The following PCDH15 variants were observed in gnomAD, a reference collection of about 807,000 sequenced individuals.
PCDH15 encodes protocadherin-15.
Under a neutral mutation model 178.5 loss-of-function variants are expected in PCDH15, and 129 were observed. The observed-to-expected ratio is 0.72, with a 90% CI of 0.63 to 0.84. The LOEUF is 0.84. Ranked by LOEUF, PCDH15 falls within the 40% of genes least tolerant of loss-of-function variation. The probability of loss-of-function intolerance (pLI) is 0.00; values close to 1 mark genes in which losing one functional copy is unlikely to be tolerated. For missense variants in PCDH15, 2,230 were observed against 2,099.9 expected, an observed-to-expected ratio of 1.06 and a Z score of -1.21; for synonymous variants, 800 against 732.0, an observed-to-expected ratio of 1.09 and a Z score of -1.50.
chr10:53,844,399 C>A (rs1475577489), intron 28 of PCDH15, among the ~76,000 whole-genome samples: 2 of 151,908 alleles, frequency 1.3e-5, no homozygotes, highest in Non-Finnish European at 2.9e-5. Context: ...CAATCCATGA[C>A]TATTAGCCAT....
intron 18 of PCDH15, among the ~76,000 whole-genome samples, chr10:54,050,512 T>C (rs942338354): frequency 6.6e-6 from 1 of 152,138 alleles, no homozygotes; most frequent in Non-Finnish European, 1.5e-5. Flanking sequence ...AAGAACCAAC[T>C]TTTGGTTTCA....
intron 3 of PCDH15, among the ~76,000 whole-genome samples, chr10:54,489,840 T>C (rs1478116693): frequency 3.3e-5 from 5 of 152,218 alleles, no homozygotes; most frequent in Admixed American, 3.3e-4. Context: ...TTTGCCAGGT[T>C]AAGATTTGCT....
intron 2 of PCDH15, among the ~76,000 whole-genome samples, chr10:54,595,204 G>C (rs2092157134): frequency 6.6e-6 from 1 of 152,184 alleles, no homozygotes; most frequent in Non-Finnish European, 1.5e-5. Context: ...GTAGCCATTA[G>C]AGTGTTGTGA....
intron 2 of PCDH15, among the ~76,000 whole-genome samples, chr10:55,532,365 T>C (rs1027421924): frequency 4.6e-5 from 7 of 152,078 alleles, no homozygotes; most frequent in Non-Finnish European, 1.0e-4. Flanking sequence ...TTCTGCTTTT[T>C]TTCCATAATT....
chr10:54,355,949 T>G (rs1426967521), intron 5 of PCDH15, among the ~76,000 whole-genome samples: 2 of 152,026 alleles, frequency 1.3e-5, no homozygotes, highest in African/African-American at 2.4e-5. Context: ...TACACTTTCC[T>G]CAATTATATT....
At chr10:54,047,743 A>G (rs2093684843) in intron 18 of PCDH15, among the ~76,000 whole-genome samples, 2 of 152,116 alleles carry the variant, frequency 1.3e-5, no homozygotes, top group Admixed American at 1.3e-4. Context: ...TGCAAATGAC[A>G]TGATTTCATT....
chr10:55,437,588 C>T (rs949649933), intron 2 of PCDH15, among the ~76,000 whole-genome samples: 2 of 151,992 alleles, frequency 1.3e-5, no homozygotes, highest in Admixed American at 1.3e-4. Context: ...ACAGAAAGCA[C>T]TATTCATTGA....
intron 3 of PCDH15, among the ~76,000 whole-genome samples, chr10:54,818,689 T>G (rs1952987233): frequency 6.6e-6 from 1 of 151,982 alleles, no homozygotes; most frequent in African/African-American, 2.4e-5. Context: ...GATATCTCTT[T>G]CCGTTATTCT....
At chr10:55,130,450 T>C (rs1039224934) in intron 2 of PCDH15, among the ~76,000 whole-genome samples, 3 of 152,108 alleles carry the variant, frequency 2.0e-5, no homozygotes, top group Non-Finnish European at 4.4e-5. Flanking sequence ...AGAAAGTAAG[T>C]CAGGTGAAAT....
At chr10:55,480,014 T>C (rs1324384757) in intron 2 of PCDH15, among the ~76,000 whole-genome samples, 2 of 131,880 alleles carry the variant, frequency 1.5e-5, no homozygotes, top group South Asian at 2.7e-4. Flanking sequence ...AATTTTTTAA[T>C]AGTTTCTTCC....
chr10:54,485,229 C>A (rs138994623), intron 3 of PCDH15, among the ~76,000 whole-genome samples: 4 of 151,904 alleles, frequency 2.6e-5, no homozygotes, highest in Admixed American at 2.0e-4. Context: ...AAAAAAAAAT[C>A]TCCGACTTTC....
Position 54,627,884 on chromosome 10 carries a change from G to A in PCDH15, c.91+36288C>T, listed in dbSNP as rs142054467. On this transcript the variant is annotated intron_variant, in intron 2 of 37. Coordinates refer to ENST00000644397, the MANE Select transcript of PCDH15 (RefSeq NM_001384140.1). ...TAAGTCCCAGTCAATAAAAATGCTCGGAGGAGCCTGACTAAAGTCTGGTCA... is the reference window on the plus strand; with the variant it reads ...TAAGTCCCAGTCAATAAAAATGCTCAGAGGAGCCTGACTAAAGTCTGGTCA... Among the ~76,000 whole-genome samples, 920 of 152,270 alleles carry A rather than the reference G, an allele frequency of 6.0e-3. 9 individuals are homozygous for A. Among genetic ancestry groups the A allele is most frequent in the African/African-American group, 0.021 (865 of 41,548 alleles).
intron 3 of PCDH15, among the ~76,000 whole-genome samples, chr10:54,429,399 G>A (rs192596005): frequency 1.3e-5 from 2 of 152,232 alleles, no homozygotes; most frequent in Non-Finnish European, 2.9e-5. Context: ...CTCCACTATT[G>A]TAAGAAAGGA....
At chr10:55,549,564 A>G (rs558332906) in intron 2 of PCDH15, among the ~76,000 whole-genome samples, 3 of 152,284 alleles carry the variant, frequency 2.0e-5, no homozygotes, top group African/African-American at 7.2e-5. Flanking sequence ...AGGGAGAAAC[A>G]AAGAGTGATA....
At chr10:54,932,004 C>T (rs577343652) in intron 2 of PCDH15, among the ~76,000 whole-genome samples, 1 of 152,146 alleles carries the variant, frequency 6.6e-6, no homozygotes, top group Non-Finnish European at 1.5e-5. Flanking sequence ...CTCTTAACAA[C>T]GTTTTGGTGA....
At chr10:54,569,668 T>G (rs762214334) in intron 2 of PCDH15, among the ~76,000 whole-genome samples, 18 of 152,252 alleles carry the variant, frequency 1.2e-4, no homozygotes, top group South Asian at 1.0e-3. Context: ...CAAACCAACT[T>G]AAAAGTCTTG....
chr10:54,821,184 C>A (rs1953033030), intron 3 of PCDH15, among the ~76,000 whole-genome samples: 1 of 151,964 alleles, frequency 6.6e-6, no homozygotes, highest in Non-Finnish European at 1.5e-5. Flanking sequence ...TGCAACCGTG[C>A]ATAATGAAAT....
At position 55,525,147 on chromosome 10, in the gene PCDH15, G is replaced by A. The variant is rs117198696; in HGVS notation, c.-156+102478C>T. 2.0e-5 allele frequency among the ~76,000 whole-genome samples: 3 copies of A among 151,838 alleles called. No individual in the cohort carries two copies. In the East Asian group the frequency reaches 5.8e-4, roughly 29 times the overall value. On this transcript the variant is annotated intron_variant, in intron 2 of 5. Transcript: ENST00000613346. Reference sequence around the variant, plus strand: ...TGAAATGTAGAGTAGGTTGATCTTAGCGCACTGTTTAGAATAAAACAGAAA... The same window carrying A: ...TGAAATGTAGAGTAGGTTGATCTTAACGCACTGTTTAGAATAAAACAGAAA...
At chr10:54,712,783 C>A (rs750172657) in intron 1 of PCDH15, among the ~76,000 whole-genome samples, 1 of 151,978 alleles carries the variant, frequency 6.6e-6, no homozygotes, top group Non-Finnish European at 1.5e-5. Flanking sequence ...TAAACTGAAA[C>A]ACTAGAAAGA....
Sources: gnomAD v4.1 joint callset for allele counts (sites outside exome capture counted in the v4.1 genomes callset) on GRCh38, gnomAD v4.1.1 for gene constraint, MANE v1.5 for transcripts, NCBI Gene and HGNC (gene_info 2026-07-23, HGNC 2026-07-21) for gene names.